SYTL5: variants seen among roughly 807,000 people sequenced by gnomAD.
SYTL5 encodes synaptotagmin-like protein 5.
In SYTL5, 34 loss-of-function variants were observed where a neutral mutation model predicts 55.9. The observed-to-expected ratio is 0.61, with a 90% CI of 0.46 to 0.81. SYTL5 has a LOEUF of 0.81. Among genes scored for constraint, SYTL5 ranks in the 30% least tolerant of loss-of-function variants. The pLI is 0.00. For missense variants in SYTL5, 637 were observed against 546.7 expected (o/e 1.17, Z -1.65); for synonymous variants, 221 against 188.7 (o/e 1.17, Z -1.40).
At chrX:38,022,502 G>T (rs1934591059) in intron 1 of SYTL5, among the ~76,000 whole-genome samples, 1 of 111,691 alleles carries the variant, frequency 9.0e-6, no homozygotes, top group Non-Finnish European at 1.9e-5. Context: ...GAGGCCATCT[G>T]CATTCCTTGG....
the SYTL5 span, among the ~76,000 whole-genome samples, chrX:37,972,805 G>A: frequency 1.8e-5 from 2 of 111,676 alleles, no homozygotes; most frequent in Admixed American, 9.5e-5. Flanking sequence ...GGGGCTTCCA[G>A]GCTATAGGTA....
At chrX:37,897,793 T>G in the SYTL5 span, among the ~76,000 whole-genome samples, 3 of 111,399 alleles carry the variant, frequency 2.7e-5, no homozygotes, top group Non-Finnish European at 5.7e-5. Context: ...AAAGTCAAGG[T>G]GCTGCCAAAT....
the SYTL5 span, among the ~76,000 whole-genome samples, chrX:37,953,067 C>T: frequency 9.0e-6 from 1 of 111,266 alleles, no homozygotes; most frequent in Non-Finnish European, 1.9e-5. Context: ...TATATTCACT[C>T]TGGAGCGAGT....
At chrX:38,111,903 A>G (rs1473645846) in intron 13 of SYTL5, among the ~76,000 whole-genome samples, 5 of 112,205 alleles carry the variant, frequency 4.5e-5, no homozygotes. Flanking sequence ...AATTTCCTGG[A>G]AATAGTTGAA....
chrX:38,043,671 A>G (rs1238093652), intron 2 of SYTL5, among the ~76,000 whole-genome samples: 5 of 69,330 alleles, frequency 7.2e-5, no homozygotes, highest in Non-Finnish European at 1.2e-4. Flanking sequence ...GTATATATAT[A>G]TATATATATA....
At chrX:37,929,131 A>G in the SYTL5 span, among the ~76,000 whole-genome samples, 61 of 112,594 alleles carry the variant, frequency 5.4e-4, no homozygotes, top group Non-Finnish European at 1.7e-4. Flanking sequence ...ATGCATAAAA[A>G]TGTAAAATGT....
chrX:38,024,788 A>G lies in SYTL5; in HGVS notation c.-356-8746A>G, dbSNP rs370578194. On this transcript the variant is annotated intron_variant, in intron 1 of 16. Coordinates refer to ENST00000297875, the MANE Select transcript of SYTL5 (RefSeq NM_138780.3). ...AGGATACTGCTCTTGAAGTATTGGT[A>G]TGAAGTTGATGGCACTGTTAGCCTC... Among the ~76,000 whole-genome samples the G allele has an allele frequency of 8.7e-4, 97 of 111,752 alleles. 7 individuals are homozygous for G. The highest frequency in any genetic ancestry group is 3.9e-3 in the Admixed American group (41 of 10,510).
chrX:38,024,047 G>A, intron 1 of SYTL5: 1 of 96,070 alleles, frequency 1.0e-5, no homozygotes, highest in South Asian at 5.1e-4. Context: ...GAGAAGTTCT[G>A]TAGAAAAAAA....
intron 6 of SYTL5, among the ~76,000 whole-genome samples, chrX:38,078,680 C>T (rs1456164033): frequency 8.9e-6 from 1 of 112,413 alleles, no homozygotes; most frequent in African/African-American, 3.2e-5. Context: ...TCTCCAGTAT[C>T]AGTGCTTATA....
the SYTL5 span, among the ~76,000 whole-genome samples, chrX:37,944,578 G>A: frequency 9.0e-6 from 1 of 111,249 alleles, no homozygotes; most frequent in Non-Finnish European, 1.9e-5. Flanking sequence ...ATGCCAAGTG[G>A]GCAGTGGGGC....
chrX:38,087,185 C>A (rs1936677416), intron 6 of SYTL5, among the ~76,000 whole-genome samples: 1 of 111,302 alleles, frequency 9.0e-6, no homozygotes, highest in African/African-American at 3.3e-5. Context: ...AGATTGACCC[C>A]TGCCCTTTCT....
At chrX:37,990,841 T>C in the SYTL5 span, 2 of 1,192,683 alleles carry the variant, frequency 1.7e-6, no homozygotes, top group African/African-American at 1.8e-5. Context: ...GCAAACATCA[T>C]GTCAGAGAAA....
the SYTL5 span, among the ~76,000 whole-genome samples, chrX:37,959,703 G>A: frequency 9.0e-6 from 1 of 111,678 alleles, no homozygotes; most frequent in African/African-American, 3.3e-5. Context: ...CCTTCCAAAC[G>A]GTTTGTGACT....
chrX:38,076,935 T>C (rs6611062), intron 6 of SYTL5, among the ~76,000 whole-genome samples: 9,619 of 111,654 alleles, frequency 0.086, 707 homozygotes, highest in African/African-American at 0.21. Context: ...CTTTATATTC[T>C]GGCACTTGGG....
At chrX:38,029,103 A>G (rs1348849336) in intron 1 of SYTL5, among the ~76,000 whole-genome samples, 4 of 112,368 alleles carry the variant, frequency 3.6e-5, no homozygotes, top group African/African-American at 6.5e-5. Flanking sequence ...TAAAAAGTAG[A>G]TTAGTGCTCT....
At chrX:37,900,037 T>C in the SYTL5 span, among the ~76,000 whole-genome samples, 1 of 112,215 alleles carries the variant, frequency 8.9e-6, no homozygotes, top group African/African-American at 3.2e-5. Context: ...GTTGTGCTTG[T>C]CCGTATAGAA....
intron 2 of SYTL5, among the ~76,000 whole-genome samples, chrX:38,039,923 C>T (rs1935230810): frequency 9.0e-6 from 1 of 111,388 alleles, no homozygotes; most frequent in African/African-American, 3.3e-5. Flanking sequence ...CGCCTGTAAT[C>T]CCAGCACTTT....
At chrX:37,957,766 T>C in the SYTL5 span, among the ~76,000 whole-genome samples, 1 of 112,461 alleles carries the variant, frequency 8.9e-6, no homozygotes, top group South Asian at 3.7e-4. Context: ...ATTTTGTGGT[T>C]CCATATGATT....
the SYTL5 span, among the ~76,000 whole-genome samples, chrX:37,893,788 A>G: frequency 1.0e-5 from 1 of 96,124 alleles, no homozygotes; most frequent in African/African-American, 3.8e-5. Context: ...GATTATATAG[A>G]GATTAGTATA....
Sources: allele counts gnomAD v4.1 joint callset (sites outside exome capture counted in the v4.1 genomes callset), GRCh38; gene constraint gnomAD v4.1.1; transcripts MANE v1.5; gene names NCBI Gene and HGNC (gene_info 2026-07-23, HGNC 2026-07-21).